KLF13: variants seen among roughly 807,000 people sequenced by gnomAD.
KLF13 encodes Krueppel-like factor 13.
Under a neutral mutation model 16.7 loss-of-function variants are expected in KLF13, and 8 were observed. The observed-to-expected ratio is 0.48, with a 90% CI of 0.28 to 0.87. The LOEUF is 0.87. Ranked by LOEUF, KLF13 falls within the 40% of genes least tolerant of loss-of-function variation. The pLI, the probability that KLF13 is intolerant of heterozygous loss-of-function variation, is 0.10. For synonymous variants in KLF13, 245 were observed against 208.4 expected, an observed-to-expected ratio of 1.18 and a Z score of -1.51; for missense variants, 447 against 452.2, an observed-to-expected ratio of 0.99 and a Z score of 0.10.
intron 1 of KLF13, among the ~76,000 whole-genome samples, chr15:31,360,322 T>G (rs1276178896): frequency 6.6e-6 from 1 of 151,912 alleles, no homozygotes; most frequent in Admixed American, 6.6e-5. Flanking sequence ...TGAGAAGAGG[T>G]GGCCCCCCAG....
intron 1 of KLF13, among the ~76,000 whole-genome samples, chr15:31,417,763 C>A (rs2040272090): frequency 6.6e-6 from 1 of 151,998 alleles, no homozygotes; most frequent in Non-Finnish European, 1.5e-5. Context: ...TCCGGCTGGT[C>A]TGGAACTCCT....
At chr15:31,421,920 C>A (rs1362594018) in intron 1 of KLF13, among the ~76,000 whole-genome samples, 1 of 152,048 alleles carries the variant, frequency 6.6e-6, no homozygotes, top group Non-Finnish European at 1.5e-5. Context: ...TCGAGACCAG[C>A]CTGGCCAACA....
chr15:31,383,784 C>T (rs1488000059), intron 1 of KLF13, among the ~76,000 whole-genome samples: 1 of 152,220 alleles, frequency 6.6e-6, no homozygotes, highest in East Asian at 1.9e-4. Context: ...CGCCTGTAGT[C>T]CCAGCTACTC....
downstream of KLF13, among the ~76,000 whole-genome samples, chr15:31,409,208 C>T (rs548698629): frequency 1.3e-5 from 2 of 152,018 alleles, no homozygotes; most frequent in Admixed American, 1.3e-4. Flanking sequence ...TTTCTTGAAC[C>T]CAGGAGGCGG....
chr15:31,400,213 A>G (rs1051174550), intron 2 of KLF13, among the ~76,000 whole-genome samples: 2 of 152,212 alleles, frequency 1.3e-5, no homozygotes, highest in African/African-American at 4.8e-5. Context: ...CATTTTCTGC[A>G]GGGAATCCAC....
At chr15:31,338,992 C>T (rs992641817) in intron 1 of KLF13, among the ~76,000 whole-genome samples, 2 of 152,166 alleles carry the variant, frequency 1.3e-5, no homozygotes, top group East Asian at 1.9e-4. Flanking sequence ...TCTGTAGCTG[C>T]TCATCCTGGG....
chr15:31,426,563 G>A (rs1406393189), intron 1 of KLF13, among the ~76,000 whole-genome samples: 1 of 152,114 alleles, frequency 6.6e-6, no homozygotes, highest in Non-Finnish European at 1.5e-5. Flanking sequence ...TGATTGTTAA[G>A]GACTTAATAT....
chr15:31,397,876 G>GGC (rs1555380287), intron 2 of KLF13, among the ~76,000 whole-genome samples: 36 of 149,630 alleles, frequency 2.4e-4, no homozygotes, highest in African/African-American at 8.1e-4. Flanking sequence ...GGTGGCGGCG[G>GGC]GGGGGGTGGT....
chr15:31,432,939 A>AC (rs1263310763), intron 1 of KLF13, among the ~76,000 whole-genome samples: 1 of 152,044 alleles, frequency 6.6e-6, no homozygotes, highest in African/African-American at 2.4e-5. Context: ...ACATGGTGAA[A>AC]CCCCATCTCT....
intron 1 of KLF13, among the ~76,000 whole-genome samples, chr15:31,352,960 G>A (rs1595466687): frequency 1.3e-5 from 2 of 152,152 alleles, no homozygotes; most frequent in South Asian, 2.1e-4. Context: ...CTCCCCGTCT[G>A]TATGCAGCCA....
intron 1 of KLF13, among the ~76,000 whole-genome samples, chr15:31,412,607 T>C (rs933432312): frequency 5.9e-5 from 9 of 152,204 alleles, no homozygotes; most frequent in Non-Finnish European, 1.0e-4. Context: ...AATCACCACT[T>C]TAAAAAGCAA....
At chr15:31,397,502 A>C (rs1456697507) in intron 2 of KLF13, among the ~76,000 whole-genome samples, 5 of 152,206 alleles carry the variant, frequency 3.3e-5, no homozygotes, top group Non-Finnish European at 5.9e-5. Flanking sequence ...TGGCCTGCCA[A>C]CGTTGTCTGT....
At chr15:31,370,285 C>T (rs534214018) in intron 1 of KLF13, among the ~76,000 whole-genome samples, 265 of 152,140 alleles carry the variant, frequency 1.7e-3, no homozygotes, top group African/African-American at 6.0e-3. Flanking sequence ...GACGGAACAT[C>T]GTGACATCCA....
intron 1 of KLF13, among the ~76,000 whole-genome samples, 194 bp downstream of exon 1, chr15:31,327,983 G>C (rs1162794934): frequency 5.4e-5 from 8 of 147,752 alleles, no homozygotes; most frequent in Admixed American, 4.0e-4. Context: ...CTTGGCTCTC[G>C]GAGCCGGCGC....
chr15:31,329,848 G>A (rs573706363), intron 1 of KLF13, among the ~76,000 whole-genome samples: 1 of 152,318 alleles, frequency 6.6e-6, no homozygotes, highest in Non-Finnish European at 1.5e-5. Context: ...GAAGTGCACA[G>A]GGCTCCGGCA....
chr15:31,411,354 C>A (rs922979209), intron 1 of KLF13, among the ~76,000 whole-genome samples: 1 of 151,424 alleles, frequency 6.6e-6, no homozygotes, highest in East Asian at 1.9e-4. Context: ...AATCAACATT[C>A]GAAATTCAAT....
intron 1 of KLF13, among the ~76,000 whole-genome samples, chr15:31,334,062 T>C (rs2038884399): frequency 6.6e-6 from 1 of 152,224 alleles, no homozygotes; most frequent in Non-Finnish European, 1.5e-5. Context: ...CTACTCCATC[T>C]TCCAGCTTCC....
intron 1 of KLF13, among the ~76,000 whole-genome samples, chr15:31,412,723 G>A (rs571176991): frequency 1.1e-4 from 17 of 152,306 alleles, no homozygotes; most frequent in Admixed American, 9.8e-4. Context: ...GATTGGAGAC[G>A]AAGGCCATAA....
chr15:31,348,109 G>C (rs1001802326), intron 1 of KLF13, among the ~76,000 whole-genome samples: 3 of 152,236 alleles, frequency 2.0e-5, no homozygotes, highest in African/African-American at 7.2e-5. Context: ...CTTGCTGGTG[G>C]AGGAAAGTGG....
Sources: allele counts gnomAD v4.1 joint callset (sites outside exome capture counted in the v4.1 genomes callset), GRCh38; gene constraint gnomAD v4.1.1; transcripts MANE v1.5; gene names NCBI Gene and HGNC (gene_info 2026-07-23, HGNC 2026-07-21).